Variants in MKX observed in about 807,000 individuals in gnomAD.
The protein encoded by MKX is mohawk homeobox, also known as homeobox protein Mohawk.
Under a neutral mutation model 36.0 loss-of-function variants are expected in MKX, and 13 were observed. That is an observed-to-expected ratio of 0.36 (90% CI 0.24 to 0.57). The LOEUF (loss-of-function observed/expected upper bound fraction) is 0.57. Ranked by LOEUF, MKX falls within the 20% of genes least tolerant of loss-of-function variation. MKX has a pLI of 0.79. For synonymous variants in MKX, 176 were observed against 178.3 expected, an observed-to-expected ratio of 0.99 and a Z score of 0.10; for missense variants, 458 against 456.4, an observed-to-expected ratio of 1.00 and a Z score of -0.03.
intron 5 of MKX, among the ~76,000 whole-genome samples, chr10:27,731,738 C>T (rs1208318668): frequency 6.7e-6 from 1 of 148,670 alleles, no homozygotes; most frequent in East Asian, 2.0e-4. Context: ...CTTTGGAATG[C>T]TTTAATAAAA....
intron 5 of MKX, among the ~76,000 whole-genome samples, chr10:27,733,035 C>A (rs1212588464): frequency 1.3e-5 from 2 of 152,116 alleles, no homozygotes; most frequent in African/African-American, 4.8e-5. Context: ...CAGTTGTGAG[C>A]CACCTTGCCC....
rs541066082 is a variant in MKX at position 27,673,583 on chromosome 10, T to G, written c.*1646A>C. The stretch of plus-strand genomic sequence containing the variant: ...CATCTGATCATACAGTCATAACTTA[T>G]ATATTTTGCTTTGCGCTTACTGTTA... On this transcript the variant is annotated 3_prime_UTR_variant, in exon 7 of 7. Transcript: ENST00000419761. 1 of 152,580 alleles carries G rather than the reference T, an allele frequency of 6.6e-6. No individual in the cohort carries two copies. Among genetic ancestry groups the G allele is most frequent in the African/African-American group, 2.4e-5 (1 of 41,456 alleles). The allele number at this position is 152,580 out of a possible 1,614,324, so 9.5% of individuals were successfully genotyped here. A position where few individuals can be genotyped will look rare whatever the true frequency, so the allele number is the denominator to read the frequency against.
intron 5 of MKX, among the ~76,000 whole-genome samples, chr10:27,682,157 GA>G (rs1836265218): frequency 6.6e-6 from 1 of 151,988 alleles, no homozygotes; most frequent in Non-Finnish European, 1.5e-5. Context: ...AAAATGTTTA[GA>G]AAGTAAAAAT....
At position 27,702,518 on chromosome 10, in the gene MKX, T is replaced by G. The variant is rs2132528771; in HGVS notation, c.839-26964A>C. ...CTGCACAGAAACTAGTTATGGAAGC[T>G]CATTTTTCAAAAGGAATACAAACAT... On this transcript the variant is annotated intron_variant, in intron 5 of 6. Transcript: ENST00000419761. Among the ~76,000 whole-genome samples the G allele has an allele frequency of 1.3e-5, 2 of 152,322 alleles. 1 individual carries two copies. The highest frequency in any genetic ancestry group is 2.9e-5 in the Non-Finnish European group (2 of 68,028).
chr10:27,683,214 G>A lies in MKX; in HGVS notation c.839-7660C>T, dbSNP rs950482910. Among the ~76,000 whole-genome samples, 3 of 152,080 alleles carry A rather than the reference G, an allele frequency of 2.0e-5. No individual in the cohort carries two copies. The East Asian group carries it at 5.8e-4, about 29-fold the overall frequency. ...CCGGTCCGTGGCCCGGGGATGGGGG[G>A]GCCCCTGTTTTATACCATATTTTAC... On this transcript the variant is annotated intron_variant, in intron 5 of 6. Coordinates refer to ENST00000419761, the MANE Select transcript of MKX (RefSeq NM_173576.3).
At chr10:27,718,883 T>C (rs1474107894) in intron 5 of MKX, among the ~76,000 whole-genome samples, 1 of 152,190 alleles carries the variant, frequency 6.6e-6, no homozygotes, top group Non-Finnish European at 1.5e-5. Context: ...TTCCCACTGC[T>C]CCATTGTGTG....
chr10:27,683,068 G>T (rs1246902436), intron 5 of MKX, among the ~76,000 whole-genome samples: 33 of 152,172 alleles, frequency 2.2e-4, no homozygotes, highest in Admixed American at 1.8e-3. Context: ...GCTCCTGGGA[G>T]AATCTAATGC....
chr10:27,715,549 T>A (rs1168029364), intron 5 of MKX, among the ~76,000 whole-genome samples: 1 of 152,122 alleles, frequency 6.6e-6, no homozygotes, highest in Non-Finnish European at 1.5e-5. Flanking sequence ...ACACTGTTAA[T>A]CCCCTCAGAG....
chr10:27,706,408 T>TA (rs1190981199), intron 5 of MKX, among the ~76,000 whole-genome samples: 48 of 152,302 alleles, frequency 3.2e-4, no homozygotes, highest in Admixed American at 2.0e-3. Context: ...AGAAGGTGCA[T>TA]TGCTGGATCA....
rs541250489 is a variant in MKX at position 27,741,592 on chromosome 10, A to C, written c.189-88T>G. On this transcript the variant is annotated intron_variant, in intron 2 of 6. Transcript: ENST00000419761. This position sits in a 1 kb window ranked among gnomAD's most constrained non-coding sequence, Gnocchi z 5.1. ...CGCCCCGGCCAAGCCCGGGCCCCGC[A>C]TCCAAACTGCGCATTCCTGCCTTGC... is the stretch of plus-strand genomic sequence containing the variant. 7.0e-7 allele frequency: 1 copy of C among 1,434,446 alleles called. No individual in the cohort carries two copies. The highest frequency in any genetic ancestry group is 9.2e-7 in the Non-Finnish European group (1 of 1,087,004). 88.9% of individuals were successfully genotyped at this position (1,434,446 alleles called of 1,614,324 possible).
intron 3 of MKX, among the ~76,000 whole-genome samples, chr10:27,740,977 C>T (rs1380760557): frequency 6.6e-6 from 1 of 152,172 alleles, no homozygotes; most frequent in East Asian, 1.9e-4. Flanking sequence ...ACACCTGGGG[C>T]CTTGTAAGAG....
intron 5 of MKX, among the ~76,000 whole-genome samples, chr10:27,703,145 T>G (rs2815574): frequency 7.9e-5 from 12 of 152,018 alleles, no homozygotes; most frequent in Non-Finnish European, 1.8e-4. Context: ...GTCCAGTTTT[T>G]TAATTCCTAA....
chr10:27,686,749 T>C (rs1490504746), intron 5 of MKX, among the ~76,000 whole-genome samples: 2 of 152,166 alleles, frequency 1.3e-5, no homozygotes, highest in African/African-American at 2.4e-5. Context: ...AGTGTTGGGA[T>C]TACCAGCATG....
intron 5 of MKX, among the ~76,000 whole-genome samples, chr10:27,725,748 A>C (rs1834474325): frequency 6.6e-6 from 1 of 152,110 alleles, no homozygotes; most frequent in Non-Finnish European, 1.5e-5. Context: ...TTTCATAGAC[A>C]GTAAAAACTT....
At chr10:27,735,988 G>A (rs1205454258) in intron 3 of MKX, among the ~76,000 whole-genome samples, 1 of 152,150 alleles carries the variant, frequency 6.6e-6, no homozygotes, top group African/African-American at 2.4e-5. Flanking sequence ...AACTTTCTGA[G>A]GATAAAATGA....
In MKX at chr10:27,673,776, G is replaced by A. The variant is rs1836091341; in HGVS notation, c.*1453C>T. The A allele has an allele frequency of 6.6e-6, 1 of 152,214 alleles. No homozygotes were observed. Among genetic ancestry groups the A allele is most frequent in the South Asian group, 2.1e-4 (1 of 4,812 alleles). 9.4% of individuals were successfully genotyped at this position (152,214 alleles called of 1,614,324 possible). On this transcript the variant is annotated 3_prime_UTR_variant, in exon 7 of 7. Transcript: ENST00000419761. ...AGACTGATACTGTCCATCAACTAGA[G>A]CAGCCTTTGGTTTTAAAAGCATTTT...
intron 5 of MKX, among the ~76,000 whole-genome samples, chr10:27,692,298 G>A (rs1836468632): frequency 6.6e-6 from 1 of 152,114 alleles, no homozygotes; most frequent in Non-Finnish European, 1.5e-5. Context: ...CAGTTTACTT[G>A]CATTTCTTTT....
In MKX at chr10:27,743,298, G is replaced by A. The variant is rs778878185; in HGVS notation, c.118C>T (p.Arg40Cys). The stretch of plus-strand genomic sequence containing the variant: ...CCGTCGGGAATGCCCACCTCGGGGC[G>A]GGCGTGAGGACTGTCCAGGACACCG... Reference protein sequence around the residue: ...YSGVLDSPHARPEVGIPDGPP... With the variant: ...YSGVLDSPHACPEVGIPDGPP... Residue 40 changes from arginine to cysteine, a missense_variant, in exon 2 of 7, where the codon CGC becomes TGC. Physicochemically the swap from Arg to Cys is radical, Grantham distance 180. Transcript: ENST00000419761. The A allele has an allele frequency of 3.2e-6, 5 of 1,553,206 alleles. No homozygotes were observed. The Admixed American group carries it at 6.2e-5, about 19-fold the overall frequency.
intron 5 of MKX, among the ~76,000 whole-genome samples, chr10:27,729,597 G>A (rs1009365941): frequency 2.4e-4 from 37 of 151,774 alleles, no homozygotes; most frequent in African/African-American, 9.0e-4. Flanking sequence ...ATGAGCCACC[G>A]CTCCTGGCCT....
Sources: allele counts gnomAD v4.1 joint callset (sites outside exome capture counted in the v4.1 genomes callset), GRCh38; gene constraint gnomAD v4.1.1; non-coding constraint Gnocchi (gnomAD v3.1); transcripts MANE v1.5; gene names NCBI Gene and HGNC (gene_info 2026-07-23, HGNC 2026-07-21).